The following SYNE2 variants were observed in gnomAD, a reference collection of about 807,000 sequenced individuals.
SYNE2 encodes spectrin repeat containing nuclear envelope protein 2, also known as nesprin-2.
In SYNE2, 431 loss-of-function variants were observed where a neutral mutation model predicts 856.3. The ratio of observed to expected loss-of-function variants is 0.50; its 90% CI spans 0.47 to 0.55. The LOEUF (loss-of-function observed/expected upper bound fraction) is 0.55, where lower values mean the gene tolerates loss of function less well. SYNE2 is among the 20% of genes least tolerant of loss of function. The probability of loss-of-function intolerance (pLI) is 0.00; values close to 1 mark genes in which losing one functional copy is unlikely to be tolerated. For synonymous variants in SYNE2, 2,923 were observed against 2,872.3 expected (o/e 1.02, Z -0.56); for missense variants, 8,129 against 8,023.2 (o/e 1.01, Z -0.50).
chr14:63,769,439 A>G (rs35372182), intron 1 of SYNE2, among the ~76,000 whole-genome samples: 35,013 of 152,014 alleles, frequency 0.23, 4,946 homozygotes, highest in African/African-American at 0.4. Context: ...AGGCCGAGAC[A>G]GGCAGATCAT....
upstream of SYNE2, chr14:63,852,978 C>G (rs1248474734): frequency 3.3e-5 from 5 of 151,812 alleles, no homozygotes; most frequent in Non-Finnish European, 5.9e-5. Flanking sequence ...TGCCGCTTTC[C>G]GAGCGCCAAG....
chr14:64,089,824 T>C (rs781289406), intron 59 of SYNE2, 128 bp downstream of exon 59: 34 of 738,480 alleles, frequency 4.6e-5, no homozygotes, highest in Non-Finnish European at 6.9e-5. Context: ...GGTTGGGAAA[T>C]TGATGGGAAT....
Position 64,209,925 on chromosome 14 carries a change from C to A in SYNE2, c.18541-17C>A. ...CACTCTGCATGCTTTGGCTCTGACC[C>A]CTCCCATGTGATGCAGGCCTTTCAG... On this transcript the variant is annotated splice_polypyrimidine_tract_variant and intron_variant, in intron 102 of 115. Coordinates refer to ENST00000555002, the MANE Select transcript of SYNE2 (RefSeq NM_182914.3). 6.2e-7 allele frequency: 1 copy of A among 1,614,020 alleles called. No homozygotes were observed. Among genetic ancestry groups the A allele is most frequent in the Non-Finnish European group, 8.5e-7 (1 of 1,180,018 alleles).
chr14:63,766,533 G>A (rs1015460585), intron 1 of SYNE2, among the ~76,000 whole-genome samples: 2 of 152,200 alleles, frequency 1.3e-5, no homozygotes, highest in African/African-American at 4.8e-5. Context: ...GTGTGGTTAA[G>A]TATTGTACCA....
intron 1 of SYNE2, among the ~76,000 whole-genome samples, chr14:63,810,739 A>G (rs1393411602): frequency 6.6e-6 from 1 of 152,224 alleles, no homozygotes; most frequent in East Asian, 1.9e-4. Context: ...ACCTGTCTAT[A>G]GCTTATAGCA....
intron 2 of SYNE2, 83 bp downstream of exon 2, chr14:63,909,310 G>A (rs967802161): frequency 2.8e-4 from 256 of 911,834 alleles, no homozygotes; most frequent in Admixed American, 1.7e-3. Context: ...ACTGATTTTC[G>A]TCTCTCTTAT....
chr14:64,078,440 C>A (rs773921711), intron 54 of SYNE2, 26 bp from the exon 55 acceptor site: 6 of 1,612,610 alleles, frequency 3.7e-6, no homozygotes, highest in Non-Finnish European at 5.1e-6. Flanking sequence ...CTCTCTAAGC[C>A]AAATGCGTCT....
intron 1 of SYNE2, among the ~76,000 whole-genome samples, chr14:63,886,359 A>G (rs1279673684): frequency 6.6e-6 from 1 of 152,214 alleles, no homozygotes; most frequent in Non-Finnish European, 1.5e-5. Flanking sequence ...TTTTATTAGA[A>G]TAATTGATTA....
chr14:63,805,237 T>C (rs931538650), intron 1 of SYNE2, among the ~76,000 whole-genome samples: 1 of 152,230 alleles, frequency 6.6e-6, no homozygotes, highest in African/African-American at 2.4e-5. Flanking sequence ...AGAATAGGTT[T>C]TCTAATTATG....
intron 1 of SYNE2, among the ~76,000 whole-genome samples, chr14:63,901,018 A>G (rs571184057): frequency 3.9e-5 from 6 of 152,234 alleles, no homozygotes; most frequent in Non-Finnish European, 5.9e-5. Flanking sequence ...TCACTCTGTT[A>G]AAGAAATAAC....
chr14:63,826,394 G>A (rs1479242035), intron 1 of SYNE2, among the ~76,000 whole-genome samples: 3 of 152,118 alleles, frequency 2.0e-5, no homozygotes, highest in Non-Finnish European at 4.4e-5. Context: ...CCACCTCCCA[G>A]GTTCAAGCGA....
At chr14:64,203,415 A>G (rs145614821) in intron 100 of SYNE2, among the ~76,000 whole-genome samples, 8 of 152,302 alleles carry the variant, frequency 5.3e-5, no homozygotes, top group African/African-American at 1.7e-4. Flanking sequence ...GCTTGGACCA[A>G]TAGTTTAGGA....
intron 1 of SYNE2, among the ~76,000 whole-genome samples, chr14:63,773,558 TA>T (rs1477195680): frequency 6.6e-6 from 1 of 152,196 alleles, no homozygotes; most frequent in African/African-American, 2.4e-5. Context: ...TGTTTGTTTT[TA>T]CTTTTTTAGA....
rs1256536774 is a variant in SYNE2, at chr14:64,177,564, G to A, written c.17556+81G>A. On this transcript the variant is annotated intron_variant, in intron 96 of 115. Transcript: ENST00000555002. ...TTGAAGTGCTTCTTTGCCTCTTTCTGTATTGAAACTGAGTTTTCATTTTCA... is the reference window on the plus strand; with the variant it reads ...TTGAAGTGCTTCTTTGCCTCTTTCTATATTGAAACTGAGTTTTCATTTTCA... 5.1e-6 allele frequency: 8 copies of A among 1,563,532 alleles called. No homozygotes were observed. In the East Asian group the frequency reaches 6.7e-5, roughly 13 times the overall value.
chr14:63,929,547 G>T (rs889351253), intron 2 of SYNE2, among the ~76,000 whole-genome samples: 1 of 152,102 alleles, frequency 6.6e-6, no homozygotes, highest in South Asian at 2.1e-4. Flanking sequence ...AAGGCGGGTG[G>T]ATCACCTGAG....
At chr14:64,006,646 T>C (rs1002154533) in intron 30 of SYNE2, among the ~76,000 whole-genome samples, 3 of 151,924 alleles carry the variant, frequency 2.0e-5, no homozygotes, top group Admixed American at 6.6e-5. Flanking sequence ...CTGGGCAACA[T>C]AGTGAGACCC....
At chr14:63,897,913 G>A (rs1223160942) in intron 1 of SYNE2, among the ~76,000 whole-genome samples, 4 of 152,132 alleles carry the variant, frequency 2.6e-5, no homozygotes, top group African/African-American at 2.4e-5. Flanking sequence ...CTACCCAGAG[G>A]AACAGCGAGC....
At chr14:64,120,169 C>T (rs12434783) in intron 67 of SYNE2, among the ~76,000 whole-genome samples, 2,387 of 152,038 alleles carry the variant, frequency 0.016, 80 homozygotes, top group East Asian at 0.12. Context: ...ATGAGTGGTT[C>T]CTACTTAGAG....
chr14:64,137,819 C>G lies in SYNE2; in HGVS notation c.14679C>G (p.Ala4893=). The change falls in exon 79 of 116, where the codon GCC becomes GCG. Residue 4893 remains alanine (A), a synonymous_variant. Coordinates refer to ENST00000555002, the MANE Select transcript of SYNE2 (RefSeq NM_182914.3). ...QIKRNIGGKH[A]RLYQTLNEGK... is the part of the protein sequence containing the mutation. ...AAAGAAACATTGGTGGAAAACACGC[C>G]CGGCTTTACCAAACTCTGAACGAAG... 6.2e-7 allele frequency: 1 copy of G among 1,614,086 alleles called. No homozygotes were observed. Among genetic ancestry groups the G allele is most frequent in the Non-Finnish European group, 8.5e-7 (1 of 1,180,004 alleles).
Sources: allele counts gnomAD v4.1 joint callset (sites outside exome capture counted in the v4.1 genomes callset), GRCh38; gene constraint gnomAD v4.1.1; transcripts MANE v1.5; gene names NCBI Gene and HGNC (gene_info 2026-07-23, HGNC 2026-07-21).